CYP4F11: variants seen among roughly 807,000 people sequenced by gnomAD.
The protein encoded by CYP4F11 is cytochrome P450 family 4 subfamily F member 11, also known as cytochrome P450 4F11.
A neutral mutation model predicts 62.2 loss-of-function variants in CYP4F11; 79 were observed. The observed-to-expected ratio is 1.27, with a 90% CI of 1.06 to 1.53. CYP4F11 has a LOEUF of 1.53. Ranked by LOEUF, CYP4F11 falls within the 40% of genes most tolerant of loss-of-function variation. CYP4F11 has a pLI of 0.00. For synonymous variants in CYP4F11, 290 were observed against 263.7 expected (o/e 1.10, Z -0.97); for missense variants, 777 against 680.5 (o/e 1.14, Z -1.58).
intron 1 of CYP4F11, among the ~76,000 whole-genome samples, chr19:15,931,624 GGAGAGGAA>G (rs2089723525): frequency 1.3e-5 from 1 of 76,968 alleles, no homozygotes; most frequent in East Asian, 3.7e-4. Context: ...GAGTGAGCGA[GGAGAGGAA>G]TGAGTGAGCG....
Position 15,927,495 on chromosome 19 carries a change from G to A in CYP4F11, c.344-12C>T, listed in dbSNP as rs2089679599. ...GGGTGCGACAGCAGCTGACATGATT[G>A]AGGACCATCAGTGGCCATGGAGAGG... On this transcript the variant is annotated splice_polypyrimidine_tract_variant and intron_variant, in intron 2 of 11. Transcript: ENST00000402119. 1.2e-6 allele frequency: 2 copies of A among 1,613,104 alleles called. No homozygotes were observed. The highest frequency in any genetic ancestry group is 2.2e-5 in the South Asian group (2 of 91,034).
chr19:15,921,154 C>T (rs1277632650), intron 8 of CYP4F11, among the ~76,000 whole-genome samples: 2 of 151,364 alleles, frequency 1.3e-5, no homozygotes, highest in African/African-American at 4.9e-5. Context: ...CCTAGGCTCT[C>T]TTCTTGACCT....
intron 4 of CYP4F11, among the ~76,000 whole-genome samples, chr19:15,925,390 G>A (rs2089661013): frequency 6.6e-6 from 1 of 152,070 alleles, no homozygotes; most frequent in Non-Finnish European, 1.5e-5. Flanking sequence ...TTGGCAAATG[G>A]TACTGTTTCT....
intron 2 of CYP4F11, 75 bp from the exon 3 acceptor site, chr19:15,927,558 A>C: frequency 6.3e-7 from 1 of 1,594,642 alleles, no homozygotes; most frequent in Admixed American, 1.7e-5. Flanking sequence ...GAATGCTCCC[A>C]GCCAGGGGTG....
rs763534012 is a variant in CYP4F11 at position 15,928,757 on chromosome 19, G to T, written c.343+700C>A. Among the ~76,000 whole-genome samples, 9 of 152,352 alleles carry T rather than the reference G, an allele frequency of 5.9e-5. No individual in the cohort carries two copies. The East Asian group carries it at 7.7e-4, about 13-fold the overall frequency. ...CACAGGATGAGCAGAGGTAAAGAAAGGGCCCCAGACTGGGGTGGGATCTCC... is the reference window on the plus strand; with the variant it reads ...CACAGGATGAGCAGAGGTAAAGAAATGGCCCCAGACTGGGGTGGGATCTCC... On this transcript the variant is annotated intron_variant, in intron 2 of 11. Coordinates refer to ENST00000402119, the MANE Select transcript of CYP4F11 (RefSeq NM_021187.4).
Position 15,912,737 on chromosome 19 carries a change from A to ATATATATGTGTGTGTGTG in CYP4F11, c.*994_*995insCACACACACACATATATA. On this transcript the variant is annotated 3_prime_UTR_variant, in exon 12 of 12. Coordinates refer to ENST00000402119, the MANE Select transcript of CYP4F11 (RefSeq NM_021187.4). Reference sequence around the variant, plus strand: ...TGTGTGTGTGTGTGTGTGTGTGTATATGTATATATGTGTGTGTGTGTGTGT... The same window carrying ATATATATGTGTGTGTGTG: ...TGTGTGTGTGTGTGTGTGTGTGTATATATATATGTGTGTGTGTGTGTATATATGTGTGTGTGTGTGTGT... 1.9e-5 allele frequency: 1 copy of ATATATATGTGTGTGTGTG among 53,262 alleles called. No homozygotes were observed. The highest frequency in any genetic ancestry group is 7.6e-5 in the African/African-American group (1 of 13,078). The allele number at this position is 53,262 out of a possible 1,614,324, so 3.3% of individuals were successfully genotyped here.
chr19:15,934,022 G>A (rs1402806098), intron 1 of CYP4F11, among the ~76,000 whole-genome samples, 189 bp downstream of exon 1: 1 of 110,438 alleles, frequency 9.1e-6, no homozygotes, highest in African/African-American at 3.1e-5. Flanking sequence ...ATGAGTGAGT[G>A]GGCAGAGGAA....
rs1239100454 is a variant in CYP4F11, at chr19:15,927,344, C to A, written c.398-5G>T. 5 of 1,613,888 alleles carry A rather than the reference C, an allele frequency of 3.1e-6. No individual in the cohort carries two copies. Among genetic ancestry groups the A allele is most frequent in the Non-Finnish European group, 4.2e-6 (5 of 1,179,920 alleles). On this transcript the variant is annotated splice_polypyrimidine_tract_variant and splice_region_variant and intron_variant, in intron 3 of 11. Transcript: ENST00000402119. ...CACTCAGCAGGAGCCCATCCCCTGG[C>A]AGGGCAACCAAGGACAGTGGTCAAG...
At chr19:15,919,478 A>G (rs975667517) in intron 8 of CYP4F11, among the ~76,000 whole-genome samples, 1 of 99,636 alleles carries the variant, frequency 1.0e-5, no homozygotes, top group South Asian at 4.7e-4. Flanking sequence ...ATGTATAGAT[A>G]GATAGATAGA....
chr19:15,919,608 T>C (rs2089610655), intron 8 of CYP4F11, among the ~76,000 whole-genome samples: 1 of 151,708 alleles, frequency 6.6e-6, no homozygotes, highest in Non-Finnish European at 1.5e-5. Context: ...GGTGGGGTGG[T>C]GGGAATGTCA....
chr19:15,919,795 CATT>C (rs1181392115), intron 8 of CYP4F11, among the ~76,000 whole-genome samples: 1 of 152,084 alleles, frequency 6.6e-6, no homozygotes, highest in Non-Finnish European at 1.5e-5. Context: ...TTCTGGAGGA[CATT>C]ATGCTAAGTG....
rs1445282674 is a variant in CYP4F11, at chr19:15,929,505, G to A, written c.295C>T (p.Leu99Phe). 8 of 1,614,176 alleles carry A rather than the reference G, an allele frequency of 5.0e-6. No individual in the cohort carries two copies. Among genetic ancestry groups the A allele is most frequent in the East Asian group, 2.2e-5 (1 of 44,888 alleles). ...ATAATGTCAGGGTGGCATAAAATGAGGAGGGGGAAGGTAGGACCCAGCCAC... is the reference window on the plus strand; with the variant it reads ...ATAATGTCAGGGTGGCATAAAATGAAGAGGGGGAAGGTAGGACCCAGCCAC... ...KLWLGPTFPL[L>F]ILCHPDIIRP... Residue 99 changes from leucine (L) to phenylalanine (F), a missense_variant, in exon 2 of 12, where the codon CTC (leucine) becomes TTC (phenylalanine). Physicochemically the swap from Leu to Phe is conservative, Grantham distance 22. Coordinates refer to ENST00000402119, the MANE Select transcript of CYP4F11 (RefSeq NM_021187.4).
intron 7 of CYP4F11, 88 bp downstream of exon 7, chr19:15,922,276 C>A: frequency 6.2e-7 from 1 of 1,602,622 alleles, no homozygotes; most frequent in African/African-American, 1.3e-5. Context: ...GGAGGATGGG[C>A]AGAATTAAGT....
chr19:15,914,438 G>T, intron 10 of CYP4F11, 51 bp from the exon 11 acceptor site: 2 of 1,586,542 alleles, frequency 1.3e-6, no homozygotes, highest in Non-Finnish European at 1.7e-6. Context: ...CAGTTGGGTG[G>T]GGTCTCCCAG....
At position 15,913,683 on chromosome 19, in the gene CYP4F11, A is replaced by C. The variant is rs1463790569; in HGVS notation, c.*49T>G. The C allele has an allele frequency of 1.2e-6, 2 of 1,600,618 alleles. No homozygotes were observed. The highest frequency in any genetic ancestry group is 1.7e-6 in the Non-Finnish European group (2 of 1,171,044). On this transcript the variant is annotated 3_prime_UTR_variant, in exon 12 of 12. Transcript: ENST00000402119. ...ACGAGGCTCAAGCAGAGGTGTCAGC[A>C]TAGTTTTGTTTCTGGGACTCTACAG... is the stretch of plus-strand genomic sequence containing the variant.
intron 8 of CYP4F11, among the ~76,000 whole-genome samples, chr19:15,916,373 T>G (rs1007978488): frequency 3.3e-5 from 5 of 152,102 alleles, no homozygotes; most frequent in Non-Finnish European, 5.9e-5. Context: ...AGGCAAAGAA[T>G]GCATGACTAA....
rs1330471545 is a variant in CYP4F11 at position 15,914,323 on chromosome 19, G to A, written c.1379C>T (p.Pro460Leu). 3.1e-6 allele frequency: 5 copies of A among 1,614,074 alleles called. No homozygotes were observed. In the East Asian group the frequency reaches 1.1e-4, roughly 36 times the overall value. ...IKERSPLAFIPFSAGPRNCIG... is the reference protein window; with the variant it reads ...IKERSPLAFILFSAGPRNCIG... ...TCCTTACCTGGGCCCTGCCGAGAAG[G>A]GAATAAAAGCCAGAGGTGACCTCTC... Residue 460 changes from proline (P) to leucine (L), a missense_variant, in exon 11 of 12, where the codon CCC (proline) becomes CTC (leucine). Transcript: ENST00000402119.
rs752623841 is a variant in CYP4F11, at chr19:15,924,001, C to A, written c.729G>T (p.Thr243=). 5 of 1,614,144 alleles carry A rather than the reference C, an allele frequency of 3.1e-6. No homozygotes were observed. In the South Asian group the frequency reaches 4.4e-5, roughly 14 times the overall value. The change falls in exon 6 of 12, where the codon ACG becomes ACT. Residue 243 remains threonine, a synonymous_variant. Coordinates refer to ENST00000402119, the MANE Select transcript of CYP4F11 (RefSeq NM_021187.4). ...EKRNQQILLH[T]DFLYYLTPDG... The stretch of plus-strand genomic sequence containing the variant: ...CAGGAGTGAGATAATACAGGAAGTC[C>A]GTGTGCAAGAGAATCTGCTGGTTTC...
intron 4 of CYP4F11, among the ~76,000 whole-genome samples, chr19:15,926,895 T>C (rs2089672793): frequency 6.6e-6 from 1 of 151,786 alleles, no homozygotes; most frequent in African/African-American, 2.4e-5. Flanking sequence ...CTTATTGCTC[T>C]AAACCAATGA....
Sources: allele counts gnomAD v4.1 joint callset (sites outside exome capture counted in the v4.1 genomes callset), GRCh38; gene constraint gnomAD v4.1.1; transcripts MANE v1.5; gene names NCBI Gene and HGNC (gene_info 2026-07-23, HGNC 2026-07-21).